COQ7: variants seen among roughly 807,000 people sequenced by gnomAD.
COQ7 encodes coenzyme Q7, hydroxylase, also known as NADPH-dependent 3-demethoxyubiquinone 3-hydroxylase, mitochondrial.
In COQ7, 21 loss-of-function variants were observed where a neutral mutation model predicts 25.0. That is an observed-to-expected ratio of 0.84 (90% CI 0.60 to 1.21). The LOEUF is 1.21. Among genes scored for constraint, COQ7 ranks in the 50% most tolerant of loss-of-function variants. The pLI is 0.00. For missense variants in COQ7, 311 were observed against 296.2 expected, an observed-to-expected ratio of 1.05 and a Z score of -0.37; for synonymous variants, 125 against 112.4, an observed-to-expected ratio of 1.11 and a Z score of -0.71.
rs201819287 is a variant in COQ7 at position 19,072,032 on chromosome 16, G to A, written c.178G>A (p.Glu60Lys). ...DRIIRVDHAG[E>K]YGANRIYAGQ... is the part of the protein sequence containing the mutation. Reference sequence around the variant, plus strand: ...AATAATCCGGGTGGATCATGCAGGCGAATATGGAGCAAACCGCATCTATGC... The same window carrying A: ...AATAATCCGGGTGGATCATGCAGGCAAATATGGAGCAAACCGCATCTATGC... The change falls in exon 2 of 6, where the codon GAA (glutamate) becomes AAA (lysine). Residue 60 changes from glutamate (E) to lysine (K), a missense_variant. Physicochemically the swap from Glu to Lys is moderately conservative, Grantham distance 56. Transcript: ENST00000321998. 9 of 1,614,228 alleles carry A rather than the reference G, an allele frequency of 5.6e-6. No individual in the cohort carries two copies. Among genetic ancestry groups the A allele is most frequent in the East Asian group, 2.2e-5 (1 of 44,890 alleles).
chr16:19,078,018 T>C, intron 5 of COQ7, 63 bp from the exon 6 acceptor site: 1 of 1,333,634 alleles, frequency 7.5e-7, no homozygotes, highest in Non-Finnish European at 1.0e-6. Context: ...CTGCCAGCCC[T>C]GAATCTTACA....
chr16:19,079,814 T>C lies in COQ7; in HGVS notation c.*1656T>C, dbSNP rs1963046403. 1.3e-5 allele frequency: 2 copies of C among 152,218 alleles called. No homozygotes were observed. The highest frequency in any genetic ancestry group is 4.8e-5 in the African/African-American group (2 of 41,458). 9.4% of individuals were successfully genotyped at this position (152,218 alleles called of 1,614,324 possible). A position where few individuals can be genotyped will look rare whatever the true frequency, so the allele number is the denominator to read the frequency against. ...GAAGGGTAGTGGACACCAGGATCCT[T>C]TGGATTAATCCTCTGCCACCTCTCT... On this transcript the variant is annotated 3_prime_UTR_variant, in exon 6 of 6. Coordinates refer to ENST00000321998, the MANE Select transcript of COQ7 (RefSeq NM_016138.5).
rs748474610 is a variant in COQ7, at chr16:19,075,773, G to A, written c.420G>A (p.Ala140=). 1.2e-5 allele frequency: 20 copies of A among 1,610,924 alleles called. No individual in the cohort carries two copies. The highest frequency in any genetic ancestry group is 5.5e-5 in the South Asian group (5 of 90,682). ...AAGGTGCCATGGCCTGCACCGTGGCGGTGGAAGAGAGCATAGCACATCACT... is the reference window on the plus strand; with the variant it reads ...AAGGTGCCATGGCCTGCACCGTGGCAGTGGAAGAGAGCATAGCACATCACT... The part of the protein sequence containing the change: ...GKEGAMACTV[A]VEESIAHHYN... The change falls in exon 4 of 6, where the codon GCG becomes GCA. Residue 140 remains alanine, a synonymous_variant. Coordinates refer to ENST00000321998, the MANE Select transcript of COQ7 (RefSeq NM_016138.5).
chr16:19,078,727 C>T lies in COQ7; in HGVS notation c.*569C>T, dbSNP rs974855854. ...TCGACTTCCCAAAGTGCTGGGATTA[C>T]AGGTGTGAGCCACTTCACCAGGCCC... On this transcript the variant is annotated 3_prime_UTR_variant, in exon 6 of 6. Coordinates refer to ENST00000321998, the MANE Select transcript of COQ7 (RefSeq NM_016138.5). 2.0e-5 allele frequency: 3 copies of T among 152,076 alleles called. No individual in the cohort carries two copies. Among genetic ancestry groups the T allele is most frequent in the Non-Finnish European group, 2.9e-5 (2 of 68,018 alleles). The allele number at this position is 152,076 out of a possible 1,614,324, so 9.4% of individuals were successfully genotyped here.
chr16:19,073,322 A>AAACAAAAAG (rs1411098498), intron 2 of COQ7, among the ~76,000 whole-genome samples: 19 of 147,484 alleles, frequency 1.3e-4, no homozygotes, highest in Non-Finnish European at 2.3e-4. Flanking sequence ...AAAACAAAAA[A>AAACAAAAAG]AACCGCACAC....
Position 19,078,134 on chromosome 16 carries a change from G to T in COQ7, c.630G>T (p.Ala210=), listed in dbSNP as rs999718451. ...TTATCCAGGCCGGATGCAGAGTGGCGATATATTTATCAGAAAGATTATAAA... is the reference window on the plus strand; with the variant it reads ...TTATCCAGGCCGGATGCAGAGTGGCTATATATTTATCAGAAAGATTATAAA... ...KSIIQAGCRV[A]IYLSERL Residue 210 remains alanine (A), a synonymous_variant, in exon 6 of 6, where the codon GCG becomes GCT. Transcript: ENST00000321998. The T allele has an allele frequency of 6.2e-7, 1 of 1,611,204 alleles. No homozygotes were observed. Among genetic ancestry groups the T allele is most frequent in the East Asian group, 2.2e-5 (1 of 44,620 alleles).
chr16:19,072,400 G>A, intron 2 of COQ7: 1 of 369,188 alleles, frequency 2.7e-6, no homozygotes, highest in African/African-American at 2.0e-5. Context: ...CAGCACAGCA[G>A]TCAACTGTGC....
intron 2 of COQ7, chr16:19,072,413 A>T (rs1962610371): frequency 3.1e-6 from 1 of 327,310 alleles, no homozygotes; most frequent in Non-Finnish European, 5.7e-6. Flanking sequence ...AACTGTGCTG[A>T]AATGTTGCAG....
chr16:19,071,835 T>C (rs1962572101), intron 1 of COQ7, 93 bp from the exon 2 acceptor site: 1 of 1,432,118 alleles, frequency 7.0e-7, no homozygotes, highest in South Asian at 1.2e-5. Context: ...AACTGATTTG[T>C]GACCTCCATC....
At chr16:19,068,086 T>G (rs576889921) in intron 1 of COQ7, 1 of 1,140,424 alleles carries the variant, frequency 8.8e-7, no homozygotes, top group Admixed American at 4.6e-5. Context: ...CTCTTTGTAG[T>G]CTTTGCCCAG....
intron 1 of COQ7, chr16:19,067,974 C>T: frequency 7.1e-7 from 1 of 1,413,158 alleles, no homozygotes; most frequent in African/African-American, 1.5e-5. Context: ...TGGGGAGTGA[C>T]GCAATTGCAC....
At position 19,074,031 on chromosome 16, in the gene COQ7, A is replaced by G. The variant is rs761997122; in HGVS notation, c.363A>G (p.Ala121=). The change falls in exon 3 of 6, where the codon GCA becomes GCG. Residue 121 remains alanine (A), a synonymous_variant. Transcript: ENST00000321998. ...CCTTGTGGAACGTGCTGGGGTTTGC[A>G]CTGGGTACGTGTCTCTCTAGAAGAG... ...LMPLWNVLGF[A]LGAGTALLGK... 1 of 1,611,076 alleles carries G rather than the reference A, an allele frequency of 6.2e-7. No homozygotes were observed.
intron 2 of COQ7, chr16:19,072,412 G>A: frequency 3.1e-6 from 1 of 326,726 alleles, no homozygotes; most frequent in African/African-American, 2.1e-5. Context: ...CAACTGTGCT[G>A]AAATGTTGCA....
chr16:19,071,264 G>A (rs1962543242), intron 1 of COQ7, among the ~76,000 whole-genome samples: 1 of 152,076 alleles, frequency 6.6e-6, no homozygotes, highest in Non-Finnish European at 1.5e-5. Flanking sequence ...GCCTCCCGAG[G>A]AGGTGGGATT....
chr16:19,072,437 C>T (rs990736329), intron 2 of COQ7: 4 of 245,260 alleles, frequency 1.6e-5, no homozygotes, highest in Middle Eastern at 1.5e-3. Flanking sequence ...TGCCCCCTAC[C>T]GTGCCAGAGA....
intron 3 of COQ7, 53 bp from the exon 4 acceptor site, chr16:19,075,668 A>G: frequency 2.0e-6 from 3 of 1,518,502 alleles, no homozygotes; most frequent in Non-Finnish European, 2.6e-6. Context: ...GATGGTCTCC[A>G]TTACCGGTCA....
chr16:19,072,304 A>G (rs1962604611), intron 2 of COQ7, 198 bp downstream of exon 2: 5 of 614,848 alleles, frequency 8.1e-6, no homozygotes, highest in Non-Finnish European at 1.4e-5. Flanking sequence ...AGAGACATCT[A>G]GTACATAGAC....
downstream of COQ7, among the ~76,000 whole-genome samples, chr16:19,082,983 A>C (rs1963120206): frequency 2.6e-5 from 4 of 152,194 alleles, no homozygotes; most frequent in South Asian, 4.1e-4. Flanking sequence ...AGTAACTGCT[A>C]ATGGATACAG....
rs1962299282 is a variant in COQ7 at position 19,067,750 on chromosome 16, G to C, written c.73+13G>C. On this transcript the variant is annotated intron_variant, in intron 1 of 5. Transcript: ENST00000321998. ...CGGTCCCTCTCAGGTAAAAGGAGGC[G>C]CGCAGTCACAGTCCTGCGCCGGTCT... 1 of 1,598,586 alleles carries C rather than the reference G, an allele frequency of 6.3e-7. No homozygotes were observed. Among genetic ancestry groups the C allele is most frequent in the Non-Finnish European group, 8.5e-7 (1 of 1,177,482 alleles).
Sources: gnomAD v4.1 joint callset for allele counts (sites outside exome capture counted in the v4.1 genomes callset) on GRCh38, gnomAD v4.1.1 for gene constraint, MANE v1.5 for transcripts, NCBI Gene and HGNC (gene_info 2026-07-23, HGNC 2026-07-21) for gene names.